The following FRMPD4 variants were observed in gnomAD, a reference collection of about 807,000 sequenced individuals.
FRMPD4 encodes FERM and PDZ domain-containing protein 4.
FRMPD4 carries 22 observed loss-of-function variants against 94.1 expected under a neutral mutation model. That is an observed-to-expected ratio of 0.23 (90% CI 0.17 to 0.33). FRMPD4 has a LOEUF of 0.33. FRMPD4 is among the 10% of genes least tolerant of loss of function. The pLI is 1.00. For synonymous variants in FRMPD4, 631 were observed against 548.6 expected (o/e 1.15, Z -2.10); for missense variants, 1,111 against 1,339.9 (o/e 0.83, Z 2.67).
At chrX:11,911,814 G>A (rs909571665) in intron 3 of FRMPD4, among the ~76,000 whole-genome samples, 3 of 112,243 alleles carry the variant, frequency 2.7e-5, no homozygotes, top group East Asian at 5.6e-4. Context: ...AGTAATTGCT[G>A]TTGAGCCAGA....
intron 1 of FRMPD4, among the ~76,000 whole-genome samples, chrX:12,175,945 G>C (rs1388237334): frequency 1.8e-5 from 2 of 112,399 alleles, no homozygotes; most frequent in Admixed American, 9.4e-5. Context: ...TAAGAATACA[G>C]ATGCCTTTGT....
At chrX:12,579,848 T>C (rs894631921) in intron 2 of FRMPD4, among the ~76,000 whole-genome samples, 5 of 111,418 alleles carry the variant, frequency 4.5e-5, no homozygotes, top group African/African-American at 1.6e-4. Flanking sequence ...AATGATGAGA[T>C]TGAAGGAAAG....
chrX:12,279,998 C>T (rs2054498809), intron 1 of FRMPD4, among the ~76,000 whole-genome samples: 1 of 110,947 alleles, frequency 9.0e-6, no homozygotes, highest in Admixed American at 9.6e-5. Context: ...ATATGACTTA[C>T]TTCATAAGGT....
At chrX:12,703,504 C>T (rs987964013) in intron 10 of FRMPD4, among the ~76,000 whole-genome samples, 1 of 111,256 alleles carries the variant, frequency 9.0e-6, no homozygotes, top group Admixed American at 9.5e-5. Flanking sequence ...TGGAGAGGAC[C>T]TAGAACAGGA....
intron 3 of FRMPD4, among the ~76,000 whole-genome samples, chrX:11,931,576 G>C (rs1412595996): frequency 2.7e-5 from 3 of 112,205 alleles, no homozygotes; most frequent in Non-Finnish European, 3.8e-5. Flanking sequence ...AGTTCCAAGA[G>C]AGAGAAGTGA....
At chrX:11,956,251 G>C (rs907961043) in intron 3 of FRMPD4, among the ~76,000 whole-genome samples, 2 of 111,768 alleles carry the variant, frequency 1.8e-5, no homozygotes, top group African/African-American at 6.5e-5. Flanking sequence ...GCTAGAACTA[G>C]GCGCTCTGTT....
chrX:12,720,647 C>A lies in FRMPD4; in HGVS notation c.4078C>A (p.Pro1360Thr). The A allele has an allele frequency of 8.6e-7, 1 of 1,164,345 alleles. No homozygotes were observed. Among genetic ancestry groups the A allele is most frequent in the Admixed American group, 2.4e-5 (1 of 41,424 alleles). The change falls in exon 17 of 17, where the codon CCA (proline) becomes ACA (threonine). Residue 1360 changes from proline to threonine, a missense_variant. Coordinates refer to ENST00000675598, the MANE Select transcript of FRMPD4 (RefSeq NM_001368397.1). ...PSNIHSESKV[P>T]IPNQDPNDFS... is the part of the protein sequence containing the mutation. ...AAACATTCACTCGGAATCAAAGGTG[C>A]CAATTCCAAATCAAGACCCTAATGA...
chrX:12,345,116 A>G (rs752514115), intron 1 of FRMPD4, among the ~76,000 whole-genome samples: 2 of 60,411 alleles, frequency 3.3e-5, no homozygotes, highest in African/African-American at 2.4e-4. Flanking sequence ...ATGGATGAAC[A>G]GACAGACAAA....
intron 3 of FRMPD4, among the ~76,000 whole-genome samples, chrX:12,078,339 G>C (rs1305583754): frequency 8.9e-6 from 1 of 112,096 alleles, no homozygotes; most frequent in Admixed American, 9.4e-5. Flanking sequence ...ATTGTCTATT[G>C]GTTAGAAGCA....
intron 1 of FRMPD4, among the ~76,000 whole-genome samples, chrX:12,185,419 A>G (rs1355110882): frequency 2.7e-5 from 3 of 111,368 alleles, no homozygotes; most frequent in Non-Finnish European, 5.7e-5. Flanking sequence ...GTGTTATAGC[A>G]TGGGTACAAA....
chrX:12,118,182 CTAAA>C (rs2055424963), intron 3 of FRMPD4, among the ~76,000 whole-genome samples: 1 of 111,217 alleles, frequency 9.0e-6, no homozygotes, highest in African/African-American at 3.3e-5. Context: ...TCCTTTTGAC[CTAAA>C]TATTCTGTCC....
rs766969545 is a variant in FRMPD4, at chrX:11,971,159, G to GC, written c.95+93143dup. Among the ~76,000 whole-genome samples, 3 of 111,817 alleles carry GC rather than the reference G, an allele frequency of 2.7e-5. No homozygotes were observed. The East Asian group carries it at 8.4e-4, about 31-fold the overall frequency. On this transcript the variant is annotated intron_variant, in intron 3 of 18. Transcript: ENST00000640291. Reference sequence around the variant, plus strand: ...CTGAATGTGTCTTAGCTGTGAGCTGGCCTGCCATCCTTACTCTAAAATTGG... The same window carrying GC: ...CTGAATGTGTCTTAGCTGTGAGCTGGCCCTGCCATCCTTACTCTAAAATTGG...
intron 2 of FRMPD4, among the ~76,000 whole-genome samples, chrX:12,561,924 G>T (rs139165867): frequency 8.9e-6 from 1 of 112,257 alleles, no homozygotes; most frequent in Non-Finnish European, 1.9e-5. Context: ...GCCAAAGGGC[G>T]AGCAGACATC....
chrX:12,197,567 C>G (rs1601687374), intron 1 of FRMPD4, among the ~76,000 whole-genome samples: 1 of 111,319 alleles, frequency 9.0e-6, no homozygotes, highest in South Asian at 3.7e-4. Context: ...GATGGCACTT[C>G]TAGTTTCTCT....
chrX:12,165,229 A>G (rs375128466), intron 1 of FRMPD4, among the ~76,000 whole-genome samples: 218 of 93,559 alleles, frequency 2.3e-3, no homozygotes, highest in African/African-American at 3.9e-3. Context: ...TTTTTGTATA[A>G]GGTGTAAGGA....
chrX:12,541,032 T>C (rs1255675660), intron 2 of FRMPD4, among the ~76,000 whole-genome samples: 3 of 111,941 alleles, frequency 2.7e-5, no homozygotes, highest in African/African-American at 9.8e-5. Context: ...AGATGTTCTT[T>C]GAAACCAATG....
Position 12,112,079 on chromosome X carries a change from A to G in FRMPD4, c.95+234061A>G, listed in dbSNP as rs1420340007. Among the ~76,000 whole-genome samples, 3 of 112,139 alleles carry G rather than the reference A, an allele frequency of 2.7e-5. No homozygotes were observed. In the Admixed American group the frequency reaches 2.8e-4, roughly 11 times the overall value. The stretch of plus-strand genomic sequence containing the variant: ...ATCCCATTACTGGGTATATACCCAA[A>G]GGACTATAAATCATACCGCTATAAA... On this transcript the variant is annotated intron_variant, in intron 3 of 18. Coordinates refer to the FRMPD4 transcript ENST00000640291.
intron 2 of FRMPD4, among the ~76,000 whole-genome samples, chrX:12,521,280 C>T (rs1019571935): frequency 1.8e-5 from 2 of 111,094 alleles, no homozygotes; most frequent in East Asian, 2.8e-4. Flanking sequence ...ATAATTTTAC[C>T]GGGGTTGCCT....
At chrX:12,153,237 C>T (rs2055886600) in intron 1 of FRMPD4, among the ~76,000 whole-genome samples, 1 of 111,720 alleles carries the variant, frequency 9.0e-6, no homozygotes, top group Admixed American at 9.5e-5. Flanking sequence ...CGAGCTTATA[C>T]ATTTTATAAC....
Sources: gnomAD v4.1 joint callset for allele counts (sites outside exome capture counted in the v4.1 genomes callset) on GRCh38, gnomAD v4.1.1 for gene constraint, MANE v1.5 for transcripts, NCBI Gene and HGNC (gene_info 2026-07-23, HGNC 2026-07-21) for gene names.